The following PVT1 variants were observed in gnomAD, a reference collection of about 807,000 sequenced individuals.
The protein encoded by PVT1 is CXCR4/PVT1 fusion.
intron 3 of PVT1, among the ~76,000 whole-genome samples, chr8:127,967,075 G>C (rs1238648381): frequency 1.3e-5 from 2 of 152,172 alleles, no homozygotes; most frequent in Non-Finnish European, 2.9e-5. Context: ...TGGCACACCT[G>C]ACAACGCCTT....
chr8:127,836,698 G>A (rs573307794), intron 2 of PVT1, among the ~76,000 whole-genome samples: 11 of 152,226 alleles, frequency 7.2e-5, no homozygotes, highest in Non-Finnish European at 1.0e-4. Flanking sequence ...AGTGCATTAC[G>A]TCATTTAGTT....
chr8:127,942,755 G>A lies in PVT1; in HGVS notation n.783-46407G>A, dbSNP rs192947038. On this transcript the variant is annotated intron_variant and non_coding_transcript_variant, in intron 3 of 10. Coordinates refer to ENST00000651587, the Ensembl canonical transcript of PVT1. ...GCCTCCAGCTTTATTTTCTTTCAGT[G>A]GGAAAGACTGTGAGATTCAGTCCCT... Among the ~76,000 whole-genome samples the A allele has an allele frequency of 3.7e-4, 57 of 152,270 alleles. 1 individual carries two copies. The East Asian group carries it at 9.6e-3, about 26-fold the overall frequency.
intron 4 of PVT1, among the ~76,000 whole-genome samples, chr8:128,053,394 T>G (rs1334843868): frequency 6.7e-6 from 1 of 149,846 alleles, no homozygotes; most frequent in African/African-American, 2.4e-5. Flanking sequence ...CACACATATA[T>G]ATGTATTTTA....
chr8:127,991,235 C>T (rs77094659), intron 4 of PVT1, among the ~76,000 whole-genome samples: 18,979 of 150,604 alleles, frequency 0.13, 1,536 homozygotes, highest in Non-Finnish European at 0.18. Context: ...CTCCACCTCC[C>T]GGGTTCACGC....
intron 5 of PVT1, among the ~76,000 whole-genome samples, chr8:128,094,344 G>C (rs1814399824): frequency 6.6e-6 from 1 of 152,154 alleles, no homozygotes; most frequent in South Asian, 2.1e-4. Flanking sequence ...AAAATCACAA[G>C]AAATGTAATT....
intron 2 of PVT1, among the ~76,000 whole-genome samples, chr8:127,834,317 G>C (rs778763902): frequency 5.9e-5 from 9 of 152,018 alleles, no homozygotes; most frequent in Non-Finnish European, 1.2e-4. Flanking sequence ...ACAAGCAATG[G>C]GGAAAGAATT....
At chr8:128,031,440 C>G (rs916576516) in intron 4 of PVT1, among the ~76,000 whole-genome samples, 18 of 152,048 alleles carry the variant, frequency 1.2e-4, no homozygotes, top group African/African-American at 4.1e-4. Context: ...GCACGGGGAG[C>G]ATTTCTGGGC....
At chr8:127,925,430 T>C (rs1816118033) in intron 3 of PVT1, among the ~76,000 whole-genome samples, 1 of 152,216 alleles carries the variant, frequency 6.6e-6, no homozygotes, top group Admixed American at 6.5e-5. Context: ...GCCTCTACTA[T>C]TTTGGGAAAG....
At chr8:127,810,528 T>G (rs1221468981) in intron 2 of PVT1, among the ~76,000 whole-genome samples, 1 of 152,208 alleles carries the variant, frequency 6.6e-6, no homozygotes, top group African/African-American at 2.4e-5. Context: ...CTGAGTGCCT[T>G]TGCCCTGTGG....
At chr8:127,922,094 C>T (rs913320932) in intron 3 of PVT1, among the ~76,000 whole-genome samples, 6 of 151,792 alleles carry the variant, frequency 4.0e-5, no homozygotes, top group Admixed American at 2.0e-4. Flanking sequence ...CTCTTGACCT[C>T]GTGATCTGCC....
rs181215286 is a variant in PVT1, at chr8:127,825,769, G to A, written n.372+29698G>A. ...TCAGTACATACCTTCTTCATATGGC[G>A]TGCATCTCTTCCTCAGCTATATGGG... is the stretch of plus-strand genomic sequence containing the variant. On this transcript the variant is annotated intron_variant and non_coding_transcript_variant, in intron 2 of 10. Coordinates refer to ENST00000651587, the Ensembl canonical transcript of PVT1. Among the ~76,000 whole-genome samples, 34 of 152,232 alleles carry A rather than the reference G, an allele frequency of 2.2e-4. 1 individual carries two copies. Among genetic ancestry groups the A allele is most frequent in the Admixed American group, 2.1e-3 (32 of 15,288 alleles).
At chr8:127,970,467 T>A (rs1204224184) in intron 3 of PVT1, among the ~76,000 whole-genome samples, 1 of 151,826 alleles carries the variant, frequency 6.6e-6, no homozygotes, top group Non-Finnish European at 1.5e-5. Context: ...CTGGCTAATT[T>A]TTTTTGTATT....
intron 3 of PVT1, among the ~76,000 whole-genome samples, chr8:127,961,938 T>C (rs1440124309): frequency 6.6e-6 from 1 of 152,212 alleles, no homozygotes; most frequent in Admixed American, 6.5e-5. Flanking sequence ...ACCTCTGCAT[T>C]CTCCAGGTTT....
chr8:127,832,440 T>A (rs1351326748), intron 2 of PVT1, among the ~76,000 whole-genome samples: 1 of 152,248 alleles, frequency 6.6e-6, no homozygotes, highest in African/African-American at 2.4e-5. Flanking sequence ...CAGGCATTTT[T>A]ACTGTAGTAC....
At chr8:127,940,661 G>C in intron 3 of PVT1, among the ~76,000 whole-genome samples, 1 of 152,078 alleles carries the variant, frequency 6.6e-6, no homozygotes, top group Middle Eastern at 3.2e-3. Context: ...GGAGTGCATG[G>C]TGTGATCCTG....
At chr8:127,860,226 C>G (rs1025576417) in intron 2 of PVT1, among the ~76,000 whole-genome samples, 6 of 152,160 alleles carry the variant, frequency 3.9e-5, no homozygotes, top group Non-Finnish European at 8.8e-5. Context: ...GAGGCCGGCT[C>G]CTGGCAGAAT....
intron 3 of PVT1, among the ~76,000 whole-genome samples, chr8:127,902,432 T>C (rs2129826910): frequency 6.6e-6 from 1 of 152,190 alleles, no homozygotes. Context: ...TTTCTTTTTT[T>C]TTTTTTTTCA....
At chr8:127,906,833 C>G (rs1815828399) in intron 3 of PVT1, among the ~76,000 whole-genome samples, 1 of 152,156 alleles carries the variant, frequency 6.6e-6, no homozygotes, top group South Asian at 2.1e-4. Flanking sequence ...CTCTCAGCAA[C>G]CCAAAGATGT....
intron 2 of PVT1, among the ~76,000 whole-genome samples, chr8:127,869,859 A>G (rs1815332160): frequency 6.6e-6 from 1 of 152,158 alleles, no homozygotes. Context: ...GAAGGAGTGC[A>G]GTGGCGTGAT....
Sources: allele counts gnomAD v4.1 joint callset (sites outside exome capture counted in the v4.1 genomes callset), GRCh38; gene constraint gnomAD v4.1.1; transcripts MANE v1.5; gene names NCBI Gene and HGNC (gene_info 2026-07-23, HGNC 2026-07-21).